The following TRIM55 variants were observed in gnomAD, a reference collection of about 807,000 sequenced individuals.
The protein encoded by TRIM55 is tripartite motif-containing protein 55.
A neutral mutation model predicts 60.9 loss-of-function variants in TRIM55; 50 were observed. The observed-to-expected ratio is 0.82, with a 90% CI of 0.65 to 1.04. The LOEUF (loss-of-function observed/expected upper bound fraction) is 1.04. Among genes scored for constraint, TRIM55 ranks in the 50% least tolerant of loss-of-function variants. The probability of loss-of-function intolerance (pLI) is 0.00; values close to 1 mark genes in which losing one functional copy is unlikely to be tolerated. For missense variants in TRIM55, 681 were observed against 666.9 expected (o/e 1.02, Z -0.23); for synonymous variants, 237 against 238.1 (o/e 1.00, Z 0.04).
At chr8:66,134,242 G>C (rs180909750) in intron 2 of TRIM55, among the ~76,000 whole-genome samples, 46 of 152,242 alleles carry the variant, frequency 3.0e-4, no homozygotes, top group African/African-American at 1.0e-3. Context: ...TTCTGGATTT[G>C]GATTTGAATT....
rs576528449 is a variant in TRIM55 at position 66,150,520 on chromosome 8, G to A, written c.985+54G>A. 1.5e-4 allele frequency: 242 copies of A among 1,606,212 alleles called. 1 individual carries two copies. The South Asian group carries it at 1.7e-3, about 12-fold the overall frequency. On this transcript the variant is annotated intron_variant, in intron 7 of 9. Transcript: ENST00000315962. ...AAGTTGCAGGTGTGTGAAAGCTGCC[G>A]AAGAGTTGGGTGGGAGGAAAGCGGG... is the stretch of plus-strand genomic sequence containing the variant.
rs746179948 is a variant in TRIM55, at chr8:66,149,754, AG to A, written c.715del (p.Glu239ArgfsTer9). The A allele has an allele frequency of 6.2e-7, 1 of 1,614,208 alleles. No homozygotes were observed. Among genetic ancestry groups the A allele is most frequent in the African/African-American group, 1.3e-5 (1 of 75,076 alleles). ...EMTQVITRTQEEKLEHVRALI... is the reference protein window; with the variant it reads ...EMTQVITRTQXEKLEHVRALI... ...ACCCAAGTCATTACCCGAACCCAAGAGGAGAAACTGGAACATGTCCGTGCTC... is the reference window on the plus strand; with the variant it reads ...ACCCAAGTCATTACCCGAACCCAAGAGAGAAACTGGAACATGTCCGTGCTC... On this transcript the variant is annotated frameshift_variant, in exon 5 of 10. Coordinates refer to ENST00000315962, the MANE Select transcript of TRIM55 (RefSeq NM_184085.2). LOFTEE classifies it high-confidence loss of function.
At chr8:66,161,553 T>G (rs1811050446) in intron 9 of TRIM55, among the ~76,000 whole-genome samples, 1 of 152,144 alleles carries the variant, frequency 6.6e-6, no homozygotes, top group Admixed American at 6.5e-5. Flanking sequence ...TTTTTTCTAG[T>G]TCTATGAAGA....
At chr8:66,169,616 A>G (rs1811511111) in intron 9 of TRIM55, among the ~76,000 whole-genome samples, 1 of 152,052 alleles carries the variant, frequency 6.6e-6, no homozygotes, top group Non-Finnish European at 1.5e-5. Context: ...ATGTTAATAG[A>G]AGCATAAATA....
upstream of TRIM55, among the ~76,000 whole-genome samples, chr8:66,125,326 C>T (rs1261176276): frequency 6.6e-6 from 1 of 152,174 alleles, no homozygotes; most frequent in Admixed American, 6.5e-5. Flanking sequence ...CACTCTTATA[C>T]TGAGCTCCTT....
At chr8:66,141,265 T>C (rs1809800613) in intron 4 of TRIM55, among the ~76,000 whole-genome samples, 1 of 151,970 alleles carries the variant, frequency 6.6e-6, no homozygotes, top group Non-Finnish European at 1.5e-5. Flanking sequence ...AAAGGGGGAG[T>C]GGCATTTTCC....
At chr8:66,166,951 G>A (rs1009178896) in intron 9 of TRIM55, among the ~76,000 whole-genome samples, 9 of 152,182 alleles carry the variant, frequency 5.9e-5, no homozygotes, top group African/African-American at 2.2e-4. Flanking sequence ...AGCCTCACAA[G>A]AACAGGTGGG....
intron 2 of TRIM55, among the ~76,000 whole-genome samples, chr8:66,129,504 G>A (rs185018836): frequency 7.2e-4 from 109 of 152,202 alleles, no homozygotes; most frequent in Non-Finnish European, 1.0e-3. Flanking sequence ...ATTAATTTCC[G>A]CTAAAGATCC....
intron 7 of TRIM55, among the ~76,000 whole-genome samples, chr8:66,151,298 C>T (rs62507446): frequency 6.6e-6 from 1 of 152,012 alleles, no homozygotes; most frequent in East Asian, 1.9e-4. Flanking sequence ...CCCAGAAGTC[C>T]CATTTCTGAA....
At chr8:66,118,891 T>G in the TRIM55 span, among the ~76,000 whole-genome samples, 1 of 152,080 alleles carries the variant, frequency 6.6e-6, no homozygotes, top group African/African-American at 2.4e-5. Flanking sequence ...GGATGGATGG[T>G]TGGATGGATG....
intron 9 of TRIM55, among the ~76,000 whole-genome samples, chr8:66,161,805 T>A (rs1028942090): frequency 1.3e-5 from 2 of 151,422 alleles, no homozygotes; most frequent in Non-Finnish European, 2.9e-5. Context: ...AGTTCTTGAT[T>A]TGATCAAGAA....
chr8:66,125,900 G>A (rs1808801631), upstream of TRIM55, among the ~76,000 whole-genome samples: 1 of 152,140 alleles, frequency 6.6e-6, no homozygotes, highest in Non-Finnish European at 1.5e-5. Flanking sequence ...TTAAAATGAA[G>A]GAGAAAGAAA....
rs763066746 is a variant in TRIM55, at chr8:66,152,616, C to A, written c.1225C>A (p.Pro409Thr). The change falls in exon 8 of 10, where the codon CCT (proline) becomes ACT (threonine). Residue 409 changes from proline to threonine, a missense_variant. Coordinates refer to ENST00000315962, the MANE Select transcript of TRIM55 (RefSeq NM_184085.2). ...AGCCCTGCCACCTGCTGCGGATGCC[C>A]CTGTGACACAGGTAACCCCTCCTGA... Reference protein sequence around the residue: ...PPALPPAADAPVTQGEVVPTG... With the variant: ...PPALPPAADATVTQGEVVPTG... The A allele has an allele frequency of 6.2e-7, 1 of 1,613,918 alleles. No individual in the cohort carries two copies. The highest frequency in any genetic ancestry group is 8.5e-7 in the Non-Finnish European group (1 of 1,179,948).
rs116010234 is a variant in TRIM55, at chr8:66,152,163, A to G, written c.986-214A>G. On this transcript the variant is annotated intron_variant, in intron 7 of 9. Coordinates refer to ENST00000315962, the MANE Select transcript of TRIM55 (RefSeq NM_184085.2). ...AAGACTTTGTACTGGGGAGGAGAAC[A>G]AGGAGGATAGGGATGGTTCCTTCAC... 538 of 614,536 alleles carry G rather than the reference A, an allele frequency of 8.8e-4. 3 individuals carry two copies. The African/African-American group carries it at 9.0e-3, about 10-fold the overall frequency. 38.1% of individuals were successfully genotyped at this position (614,536 alleles called of 1,614,324 possible). A position where few individuals can be genotyped will look rare whatever the true frequency, so the allele number is the denominator to read the frequency against.
chr8:66,161,943 T>C (rs2128984436), intron 9 of TRIM55, among the ~76,000 whole-genome samples: 1 of 152,216 alleles, frequency 6.6e-6, no homozygotes, highest in Middle Eastern at 3.4e-3. Flanking sequence ...ATTTTGTAGA[T>C]ATATGATCCT....
At chr8:66,114,165 A>T in the TRIM55 span, among the ~76,000 whole-genome samples, 4 of 148,854 alleles carry the variant, frequency 2.7e-5, no homozygotes, top group Admixed American at 1.4e-4. Flanking sequence ...CTAAAGGAAC[A>T]GATAATAAGC....
At chr8:66,130,522 C>T (rs1371516163) in intron 2 of TRIM55, among the ~76,000 whole-genome samples, 3 of 139,336 alleles carry the variant, frequency 2.2e-5, no homozygotes, top group Non-Finnish European at 4.5e-5. Flanking sequence ...CTTGGATATA[C>T]AGAATGAAAA....
At chr8:66,118,553 A>G in the TRIM55 span, among the ~76,000 whole-genome samples, 2 of 152,228 alleles carry the variant, frequency 1.3e-5, no homozygotes, top group African/African-American at 4.8e-5. Flanking sequence ...TCATGGGTCA[A>G]GTCCTCAGTG....
At chr8:66,153,988 TTTCTTC>T (rs1258683318) in intron 8 of TRIM55, 53 bp from the exon 9 acceptor site, 10 of 1,502,162 alleles carry the variant, frequency 6.7e-6, no homozygotes, top group Admixed American at 4.3e-5. Flanking sequence ...TCAACTGCTT[TTTCTTC>T]TTCTTCTTCT....
Sources: gnomAD v4.1 joint callset for allele counts (sites outside exome capture counted in the v4.1 genomes callset) on GRCh38, gnomAD v4.1.1 for gene constraint, MANE v1.5 for transcripts, NCBI Gene and HGNC (gene_info 2026-07-23, HGNC 2026-07-21) for gene names.